ZNF385B: variants seen among roughly 807,000 people sequenced by gnomAD.
ZNF385B encodes the protein zinc finger protein 385B.
ZNF385B carries 23 observed loss-of-function variants against 39.2 expected under a neutral mutation model. The ratio of observed to expected loss-of-function variants is 0.59; its 90% CI spans 0.42 to 0.83. The LOEUF (loss-of-function observed/expected upper bound fraction) is 0.83. Among genes scored for constraint, ZNF385B ranks in the 40% least tolerant of loss-of-function variants. ZNF385B has a pLI of 0.00. For synonymous variants in ZNF385B, 205 were observed against 222.6 expected, an observed-to-expected ratio of 0.92 and a Z score of 0.70; for missense variants, 552 against 598.9, an observed-to-expected ratio of 0.92 and a Z score of 0.82.
chr2:179,626,440 C>T (rs760840471), intron 3 of ZNF385B, among the ~76,000 whole-genome samples: 4 of 152,092 alleles, frequency 2.6e-5, no homozygotes, highest in Non-Finnish European at 4.4e-5. Flanking sequence ...ATCCAAAATA[C>T]GTAGATTTAT....
At chr2:179,548,853 G>T (rs1323849217) in intron 3 of ZNF385B, among the ~76,000 whole-genome samples, 1 of 149,232 alleles carries the variant, frequency 6.7e-6, no homozygotes, top group Non-Finnish European at 1.5e-5. Flanking sequence ...TATAATTCAA[G>T]ATGAGGTTTG....
intron 8 of ZNF385B, among the ~76,000 whole-genome samples, chr2:179,445,267 C>T (rs746111485): frequency 6.6e-6 from 1 of 152,186 alleles, no homozygotes; most frequent in Non-Finnish European, 1.5e-5. Context: ...GGCTTAACAT[C>T]TTACCTTACC....
intron 3 of ZNF385B, among the ~76,000 whole-genome samples, chr2:179,556,636 T>A (rs1383128365): frequency 6.7e-6 from 1 of 149,426 alleles, no homozygotes; most frequent in African/African-American, 2.5e-5. Flanking sequence ...CAGCGCCTGA[T>A]GAAATTTACT....
chr2:179,477,177 T>A (rs1266823960), intron 6 of ZNF385B, among the ~76,000 whole-genome samples: 1 of 152,124 alleles, frequency 6.6e-6, no homozygotes, highest in Non-Finnish European at 1.5e-5. Context: ...ACATAAAAAC[T>A]ATGAAGTACA....
chr2:179,636,066 A>T (rs1040913358), intron 3 of ZNF385B, among the ~76,000 whole-genome samples: 23 of 152,238 alleles, frequency 1.5e-4, no homozygotes, highest in Non-Finnish European at 2.8e-4. Flanking sequence ...GTTATCTAGC[A>T]TATTTTTGAT....
intron 1 of ZNF385B, among the ~76,000 whole-genome samples, chr2:179,844,785 T>G (rs1708716366): frequency 6.6e-6 from 1 of 152,198 alleles, no homozygotes; most frequent in South Asian, 2.1e-4. Context: ...GCAACACTAC[T>G]TATATCAAGC....
At chr2:179,580,201 C>T (rs966349910) in intron 3 of ZNF385B, among the ~76,000 whole-genome samples, 1 of 146,224 alleles carries the variant, frequency 6.8e-6, no homozygotes, top group African/African-American at 2.6e-5. Flanking sequence ...GCAGAGTGCT[C>T]TACAAACATC....
intron 3 of ZNF385B, among the ~76,000 whole-genome samples, chr2:179,555,426 T>C (rs184785400): frequency 2.0e-5 from 3 of 149,564 alleles, no homozygotes; most frequent in Admixed American, 2.0e-4. Context: ...CAGCTACACA[T>C]GTATGCTATA....
chr2:179,831,168 G>C (rs1707962962), intron 1 of ZNF385B, among the ~76,000 whole-genome samples: 1 of 152,112 alleles, frequency 6.6e-6, no homozygotes. Flanking sequence ...TCCTTTTCCA[G>C]GCAGTATCAG....
chr2:179,551,795 G>C (rs1436938939), intron 3 of ZNF385B, among the ~76,000 whole-genome samples: 4 of 151,968 alleles, frequency 2.6e-5, no homozygotes, highest in Non-Finnish European at 5.9e-5. Context: ...ATCCCAATTT[G>C]TCCTTGAATT....
intron 1 of ZNF385B, among the ~76,000 whole-genome samples, chr2:179,779,648 G>C (rs561883512): frequency 6.6e-6 from 1 of 152,326 alleles, no homozygotes; most frequent in South Asian, 2.1e-4. Context: ...GACAGCAGTG[G>C]AAAAAGTGGA....
Position 179,544,830 on chromosome 2 carries a change from G to A in ZNF385B, c.438C>T (p.Asn146=), listed in dbSNP as rs1291698274. 4 of 1,613,894 alleles carry A rather than the reference G, an allele frequency of 2.5e-6. No individual in the cohort carries two copies. The highest frequency in any genetic ancestry group is 1.7e-5 in the Admixed American group (1 of 59,982). ...AAATAGAAATGAATTTACTCACTGT[G>A]TTAAAATTTGGAAAGAGCCCAACAG... ...SSAVGLFPNF[N]TMDPVQKAVI... is the part of the protein sequence containing the mutation. Residue 146 remains asparagine, a synonymous_variant, in exon 4 of 10, where the codon AAC becomes AAT. Coordinates refer to ENST00000410066, the MANE Select transcript of ZNF385B (RefSeq NM_152520.6).
chr2:179,743,234 T>C (rs1032194980), intron 3 of ZNF385B, among the ~76,000 whole-genome samples: 1 of 152,070 alleles, frequency 6.6e-6, no homozygotes, highest in Admixed American at 6.6e-5. Flanking sequence ...AAATATGAGA[T>C]ATTTATTTGT....
intron 3 of ZNF385B, among the ~76,000 whole-genome samples, chr2:179,769,138 T>C (rs543599973): frequency 4.3e-4 from 66 of 152,232 alleles, no homozygotes; most frequent in Admixed American, 3.9e-3. Context: ...AGAAAGCAGA[T>C]AAAGGAAACC....
At chr2:179,626,513 A>C (rs1450943887) in intron 3 of ZNF385B, among the ~76,000 whole-genome samples, 3 of 152,194 alleles carry the variant, frequency 2.0e-5, no homozygotes, top group African/African-American at 4.8e-5. Context: ...CAGTAGGAAC[A>C]CATCAACCCA....
At chr2:179,641,445 C>T (rs1692260983) in intron 3 of ZNF385B, among the ~76,000 whole-genome samples, 1 of 152,136 alleles carries the variant, frequency 6.6e-6, no homozygotes. Context: ...ATTTCCCAGA[C>T]TCAGATAATT....
At chr2:179,595,024 T>C (rs531625367) in intron 3 of ZNF385B, among the ~76,000 whole-genome samples, 69 of 152,282 alleles carry the variant, frequency 4.5e-4, no homozygotes, top group African/African-American at 1.5e-3. Flanking sequence ...TGTGATAATA[T>C]GATAAAGCAA....
intron 3 of ZNF385B, among the ~76,000 whole-genome samples, chr2:179,622,855 A>G (rs12614173): frequency 0.39 from 58,950 of 151,924 alleles, 11,889 homozygotes; most frequent in Non-Finnish European, 0.44. Context: ...GGTGCCTAGC[A>G]AAGGGAGGGA....
chr2:179,854,109 G>T (rs970577273), intron 1 of ZNF385B, among the ~76,000 whole-genome samples: 1 of 152,046 alleles, frequency 6.6e-6, no homozygotes, highest in African/African-American at 2.4e-5. Context: ...TACAAACAAT[G>T]GCATTTTTGT....
Sources: allele counts gnomAD v4.1 joint callset (sites outside exome capture counted in the v4.1 genomes callset), GRCh38; gene constraint gnomAD v4.1.1; transcripts MANE v1.5; gene names NCBI Gene and HGNC (gene_info 2026-07-23, HGNC 2026-07-21).